Variants in NPSR1 observed in about 807,000 individuals in gnomAD.
The protein encoded by NPSR1 is neuropeptide S receptor.
Under a neutral mutation model 46.9 loss-of-function variants are expected in NPSR1, and 48 were observed. That is an observed-to-expected ratio of 1.02 (90% CI 0.81 to 1.30). The LOEUF (loss-of-function observed/expected upper bound fraction) is 1.30, where lower values mean the gene tolerates loss of function less well. Ranked by LOEUF, NPSR1 falls within the 50% of genes most tolerant of loss-of-function variation. The probability of loss-of-function intolerance (pLI) is 0.00; values close to 1 mark genes in which losing one functional copy is unlikely to be tolerated. For missense variants in NPSR1, 450 were observed against 449.5 expected, an observed-to-expected ratio of 1.00 and a Z score of -0.01; for synonymous variants, 176 against 168.1, an observed-to-expected ratio of 1.05 and a Z score of -0.36.
At chr7:34,838,751 T>C (rs1287737595) in intron 6 of NPSR1, among the ~76,000 whole-genome samples, 1 of 152,148 alleles carries the variant, frequency 6.6e-6, no homozygotes, top group Non-Finnish European at 1.5e-5. Flanking sequence ...CTAAAGACTT[T>C]CCCATAAACA....
intron 3 of NPSR1, among the ~76,000 whole-genome samples, chr7:34,802,205 G>GA (rs540378624): frequency 6.7e-6 from 1 of 150,254 alleles, no homozygotes; most frequent in Non-Finnish European, 1.5e-5. Context: ...CACAGAATTG[G>GA]AAAAAACTAC....
intron 4 of NPSR1, among the ~76,000 whole-genome samples, chr7:34,820,249 T>A (rs1005919760): frequency 6.6e-6 from 1 of 152,244 alleles, no homozygotes; most frequent in Non-Finnish European, 1.5e-5. Flanking sequence ...TTAAGTGGTA[T>A]GCATTGGATA....
intron 2 of NPSR1, chr7:34,751,669 A>G (rs528573143): frequency 4.2e-5 from 67 of 1,591,968 alleles, no homozygotes; most frequent in Admixed American, 3.3e-5. Context: ...ATCCCCAGCC[A>G]GGGACAAGAG....
At chr7:34,849,203 T>A in intron 8 of NPSR1, 3 of 689,174 alleles carry the variant, frequency 4.4e-6, no homozygotes, top group Non-Finnish European at 7.7e-6. Flanking sequence ...ATGATTTAAG[T>A]CTTGGGCTTA....
chr7:34,838,764 C>T (rs1165949303), intron 6 of NPSR1, among the ~76,000 whole-genome samples: 1 of 152,170 alleles, frequency 6.6e-6, no homozygotes, highest in Non-Finnish European at 1.5e-5. Context: ...CATAAACAAG[C>T]ATGGAGGGCA....
intron 4 of NPSR1, among the ~76,000 whole-genome samples, chr7:34,813,432 C>T (rs1049126760): frequency 6.6e-6 from 1 of 152,168 alleles, no homozygotes; most frequent in African/African-American, 2.4e-5. Flanking sequence ...TGAACCCACA[C>T]AGTCTGGGTC....
At chr7:34,812,990 G>C (rs150572509) in intron 4 of NPSR1, among the ~76,000 whole-genome samples, 61 of 152,234 alleles carry the variant, frequency 4.0e-4, no homozygotes, top group African/African-American at 1.4e-3. Context: ...GAGTGAAATA[G>C]GGTAATTTCA....
At chr7:34,753,016 G>A (rs1785620268) in intron 2 of NPSR1, among the ~76,000 whole-genome samples, 1 of 152,192 alleles carries the variant, frequency 6.6e-6, no homozygotes, top group South Asian at 2.1e-4. Context: ...TTTGAAGATA[G>A]GAATGGAGTT....
At chr7:34,763,601 C>A (rs772772011) in intron 2 of NPSR1, among the ~76,000 whole-genome samples, 1 of 152,082 alleles carries the variant, frequency 6.6e-6, no homozygotes, top group Non-Finnish European at 1.5e-5. Context: ...CCAAGCCAAT[C>A]TCAGTACTCA....
intron 2 of NPSR1, among the ~76,000 whole-genome samples, chr7:34,740,688 G>A (rs762595052): frequency 6.6e-6 from 1 of 152,182 alleles, no homozygotes; most frequent in Non-Finnish European, 1.5e-5. Context: ...TAGTGACGGT[G>A]TGTGTTTGGG....
At chr7:34,669,922 G>A (rs2530569) in intron 1 of NPSR1, among the ~76,000 whole-genome samples, 17,869 of 152,212 alleles carry the variant, frequency 0.12, 1,211 homozygotes, top group African/African-American at 0.18. Flanking sequence ...ACTGGAAAGC[G>A]CTATTCGAAT....
At position 34,662,403 on chromosome 7, in the gene NPSR1, C is replaced by T. The variant is rs577342792; in HGVS notation, c.147+3844C>T. ...ATAACAAAAGCAAATTTCAACTCAA[C>T]GCATGTCCCAATTATCTCACGCTAT... On this transcript the variant is annotated intron_variant, in intron 1 of 8. Coordinates refer to ENST00000360581, the MANE Select transcript of NPSR1 (RefSeq NM_207172.2). Among the ~76,000 whole-genome samples the T allele has an allele frequency of 2.6e-4, 21 of 81,732 alleles. No individual in the cohort carries two copies. The East Asian group carries it at 3.8e-3, about 15-fold the overall frequency. 53.6% of individuals were successfully genotyped at this position (81,732 alleles called of 152,430 possible).
intron 3 of NPSR1, among the ~76,000 whole-genome samples, chr7:34,780,391 A>G (rs1787177496): frequency 6.6e-6 from 1 of 152,174 alleles, no homozygotes; most frequent in South Asian, 2.1e-4. Context: ...TTCTAACTGT[A>G]TCTACAATAA....
chr7:34,670,343 A>G (rs573297146), intron 1 of NPSR1, among the ~76,000 whole-genome samples: 11 of 152,224 alleles, frequency 7.2e-5, no homozygotes, highest in African/African-American at 2.4e-4. Flanking sequence ...TGTTACAAAG[A>G]AACTACCACA....
At chr7:34,785,153 G>T (rs324993) in intron 3 of NPSR1, among the ~76,000 whole-genome samples, 77,385 of 150,864 alleles carry the variant, frequency 0.51, 20,359 homozygotes, top group African/African-American at 0.62. Flanking sequence ...AATGATAGAC[G>T]GGATTAAGAA....
At chr7:34,774,870 G>T (rs1175370702) in intron 2 of NPSR1, among the ~76,000 whole-genome samples, 1 of 152,122 alleles carries the variant, frequency 6.6e-6, no homozygotes. Flanking sequence ...TCCTAGATGT[G>T]GAATGTGTTG....
In NPSR1 at chr7:34,778,495, A is replaced by G. The variant is rs186967908; in HGVS notation, c.314A>G (p.Asp105Gly). The change falls in exon 3 of 9, where the codon GAT becomes GGT. Residue 105 changes from aspartate to glycine, a missense_variant. Transcript: ENST00000360581. ...SFTGLVNILT[D>G]INWRFTGDFT... ...ACAGGACTGGTCAACATCTTGACAGATATTAATTGGCGATTCACTGGAGAC... is the reference window on the plus strand; with the variant it reads ...ACAGGACTGGTCAACATCTTGACAGGTATTAATTGGCGATTCACTGGAGAC... The G allele has an allele frequency of 2.5e-6, 4 of 1,612,084 alleles. No homozygotes were observed. The East Asian group carries it at 6.7e-5, about 27-fold the overall frequency.
At chr7:34,721,267 A>C (rs1395648271) in intron 2 of NPSR1, among the ~76,000 whole-genome samples, 1 of 152,220 alleles carries the variant, frequency 6.6e-6, no homozygotes, top group Non-Finnish European at 1.5e-5. Flanking sequence ...GTCAAAGGAA[A>C]GGATAAGGAA....
chr7:34,791,707 A>C (rs535155263), intron 3 of NPSR1, among the ~76,000 whole-genome samples: 27 of 152,194 alleles, frequency 1.8e-4, no homozygotes, highest in Non-Finnish European at 2.9e-4. Flanking sequence ...AAAATCAAAA[A>C]TTCAAATTAA....
Sources: gnomAD v4.1 joint callset for allele counts (sites outside exome capture counted in the v4.1 genomes callset) on GRCh38, gnomAD v4.1.1 for gene constraint, MANE v1.5 for transcripts, NCBI Gene and HGNC (gene_info 2026-07-23, HGNC 2026-07-21) for gene names.